The following NECAB2 variants were observed in gnomAD, a reference collection of about 807,000 sequenced individuals.
The protein encoded by NECAB2 is N-terminal EF-hand calcium-binding protein 2.
NECAB2 carries 68 observed loss-of-function variants against 51.9 expected under a neutral mutation model. That is an observed-to-expected ratio of 1.31 (90% CI 1.08 to 1.60). The LOEUF (loss-of-function observed/expected upper bound fraction) is 1.60, where lower values mean the gene tolerates loss of function less well. NECAB2 is among the 40% of genes most tolerant of loss of function. The pLI is 0.00. For synonymous variants in NECAB2, 329 were observed against 203.5 expected (o/e 1.62, Z -5.25); for missense variants, 854 against 490.3 (o/e 1.74, Z -7.00).
intron 6 of NECAB2, 148 bp downstream of exon 6, chr16:83,990,778 T>C (rs1020456237): frequency 1.7e-5 from 17 of 987,820 alleles, no homozygotes; most frequent in Non-Finnish European, 2.5e-5. Flanking sequence ...TGGTGCTCCA[T>C]TATGTAATAT....
intron 6 of NECAB2, among the ~76,000 whole-genome samples, chr16:83,991,387 G>A (rs1447277226): frequency 1.1e-5 from 1 of 90,854 alleles, no homozygotes; most frequent in East Asian, 3.0e-4. Flanking sequence ...TTTTTTTTGA[G>A]ATCGAGTCTT....
At chr16:83,976,485 TC>T (rs1426264899) in intron 2 of NECAB2, among the ~76,000 whole-genome samples, 1 of 152,162 alleles carries the variant, frequency 6.6e-6, no homozygotes, top group Non-Finnish European at 1.5e-5. Flanking sequence ...GGTTTTATCT[TC>T]AGGCTTGCCG....
In NECAB2 at chr16:83,968,416, C is replaced by A. The variant is rs968577569; in HGVS notation, c.-233C>A. ...GCCCCTCGCCCCGGCGGGCAGTCCT[C>A]AGGCCCCGCGCCCGGCCGGCGGGGG... On this transcript the variant is annotated 5_prime_UTR_variant, in exon 1 of 13. Coordinates refer to ENST00000305202, the MANE Select transcript of NECAB2 (RefSeq NM_019065.3). 3.8e-4 allele frequency among the ~76,000 whole-genome samples: 57 copies of A among 148,824 alleles called. No homozygotes were observed. The South Asian group carries it at 0.011, about 30-fold the overall frequency.
chr16:83,977,439 C>T (rs77055002), intron 2 of NECAB2, among the ~76,000 whole-genome samples: 2,994 of 152,190 alleles, frequency 0.02, 38 homozygotes, highest in African/African-American at 0.031. Context: ...AGCCACCTCC[C>T]CTGGTGGCCC....
At chr16:83,982,270 C>A (rs1487705500) in intron 5 of NECAB2, among the ~76,000 whole-genome samples, 1 of 152,200 alleles carries the variant, frequency 6.6e-6, no homozygotes, top group Non-Finnish European at 1.5e-5. Flanking sequence ...ATAGTTGGGC[C>A]TCATTCTGGG....
intron 8 of NECAB2, among the ~76,000 whole-genome samples, chr16:83,996,359 C>A (rs1171866833): frequency 6.6e-6 from 1 of 152,212 alleles, no homozygotes; most frequent in South Asian, 2.1e-4. Context: ...TACTACAGAG[C>A]CCAGTGCAAA....
At chr16:84,002,023 C>T (rs751224355) in intron 12 of NECAB2, 107 bp downstream of exon 12, 29 of 1,281,010 alleles carry the variant, frequency 2.3e-5, no homozygotes, top group African/African-American at 3.0e-5. Context: ...TGCTGTGGGC[C>T]CACTGTCAGC....
intron 8 of NECAB2, among the ~76,000 whole-genome samples, chr16:83,994,893 G>C (rs1008557065): frequency 6.6e-6 from 1 of 152,190 alleles, no homozygotes; most frequent in African/African-American, 2.4e-5. Context: ...GGCCCAAGGA[G>C]GGGCGCCTGG....
chr16:83,975,330 G>T (rs553952559), intron 2 of NECAB2, among the ~76,000 whole-genome samples: 1 of 151,626 alleles, frequency 6.6e-6, no homozygotes, highest in East Asian at 1.9e-4. Context: ...AGGTGTGGGT[G>T]CGGGGATGGG....
Position 84,002,689 on chromosome 16 carries a change from C to CTAGTAGGAGCATTCTTCTAT in NECAB2, c.*343_*344insTAGTAGGAGCATTCTTCTAT, listed in dbSNP as rs1567683352. ...TGCCCTCTTCGGTGACATTCTTCTA[C>CTAGTAGGAGCATTCTTCTAT]CTAGTAGGAGTCATGCCCCTGTAGT... On this transcript the variant is annotated 3_prime_UTR_variant, in exon 13 of 13. Transcript: ENST00000305202. 1.1e-5 allele frequency: 4 copies of CTAGTAGGAGCATTCTTCTAT among 374,246 alleles called. No individual in the cohort carries two copies. Among genetic ancestry groups the CTAGTAGGAGCATTCTTCTAT allele is most frequent in the Admixed American group, 3.7e-5 (1 of 27,316 alleles). The allele number at this position is 374,246 out of a possible 1,614,324, so 23.2% of individuals were successfully genotyped here. A position where few individuals can be genotyped will look rare whatever the true frequency, so the allele number is the denominator to read the frequency against.
intron 5 of NECAB2, among the ~76,000 whole-genome samples, chr16:83,989,334 G>A (rs538230811): frequency 3.9e-5 from 6 of 152,296 alleles, no homozygotes; most frequent in African/African-American, 1.4e-4. Context: ...CGGCTTGGTG[G>A]CTTGGGTCGC....
chr16:83,991,307 T>C (rs538061343), intron 6 of NECAB2, among the ~76,000 whole-genome samples: 126 of 150,864 alleles, frequency 8.4e-4, no homozygotes, highest in African/African-American at 1.6e-3. Flanking sequence ...CTCTCTCTCT[T>C]TCTTTCTCTC....
Position 84,001,840 on chromosome 16 carries a change from C to A in NECAB2, c.1056C>A (p.Pro352=). The A allele has an allele frequency of 1.2e-6, 2 of 1,614,124 alleles. No homozygotes were observed. The highest frequency in any genetic ancestry group is 3.3e-4 in the Middle Eastern group (2 of 6,060). Reference sequence around the variant, plus strand: ...TGCGTCACAGGCACCTGCAGAGCCCCCTGTGTAAGGCGTTCCGGCACGTCA... The same window carrying A: ...TGCGTCACAGGCACCTGCAGAGCCCACTGTGTAAGGCGTTCCGGCACGTCA... ...EEAWKRHLQS[P]LCKAFRHVKV... is the part of the protein sequence containing the mutation. The change falls in exon 12 of 13, where the codon CCC becomes CCA. Residue 352 remains proline (P), a synonymous_variant. Transcript: ENST00000305202.
At chr16:83,999,934 G>T (rs1041645960) in intron 10 of NECAB2, among the ~76,000 whole-genome samples, 1 of 152,198 alleles carries the variant, frequency 6.6e-6, no homozygotes, top group Admixed American at 6.5e-5. Flanking sequence ...AGGCAGGAGT[G>T]AGTGTGTAGT....
intron 12 of NECAB2, 85 bp downstream of exon 12, chr16:84,002,001 G>A (rs555680126): frequency 3.5e-6 from 5 of 1,443,924 alleles, no homozygotes; most frequent in Non-Finnish European, 4.8e-6. Flanking sequence ...ATCTCCCGGG[G>A]ACTTGCCTGC....
intron 6 of NECAB2, among the ~76,000 whole-genome samples, chr16:83,992,875 C>T (rs1597217908): frequency 1.3e-5 from 2 of 152,290 alleles, no homozygotes; most frequent in Middle Eastern, 6.8e-3. Flanking sequence ...CTTAGATTTC[C>T]TGGGTTTTCC....
chr16:83,993,305 T>C (rs1210593306), intron 6 of NECAB2: 1 of 152,210 alleles, frequency 6.6e-6, no homozygotes, highest in Non-Finnish European at 1.5e-5. Flanking sequence ...AAGCCATGAT[T>C]GACACCATAA....
In NECAB2 at chr16:83,997,246, T is replaced by G. The variant is rs777153173; in HGVS notation, c.826T>G (p.Ser276Ala). 4 of 1,614,080 alleles carry G rather than the reference T, an allele frequency of 2.5e-6. No homozygotes were observed. In the East Asian group the frequency reaches 6.7e-5, roughly 27 times the overall value. The part of the protein sequence containing the change: ...ALWFDLQQRL[S>A]DEDGTNMHLQ... ...GTGGTTCGACCTGCAGCAGCGCCTG[T>G]CAGATGAAGATGGCACCAACATGGT... Residue 276 changes from serine to alanine, a missense_variant, in exon 9 of 13, where the codon TCA becomes GCA. Physicochemically the swap from Ser to Ala is moderately conservative, Grantham distance 99. Transcript: ENST00000305202.
intron 5 of NECAB2, among the ~76,000 whole-genome samples, chr16:83,989,504 T>C (rs2084595192): frequency 6.6e-6 from 1 of 152,190 alleles, no homozygotes; most frequent in African/African-American, 2.4e-5. Flanking sequence ...AGCCCTGTTT[T>C]TCCTTGCCTT....
Sources: allele counts gnomAD v4.1 joint callset (sites outside exome capture counted in the v4.1 genomes callset), GRCh38; gene constraint gnomAD v4.1.1; transcripts MANE v1.5; gene names NCBI Gene and HGNC (gene_info 2026-07-23, HGNC 2026-07-21).